NRG1: variants seen among roughly 807,000 people sequenced by gnomAD.
NRG1 encodes the protein pro-neuregulin-1, membrane-bound isoform.
Under a neutral mutation model 63.8 loss-of-function variants are expected in NRG1, and 18 were observed. The ratio of observed to expected loss-of-function variants is 0.28; its 90% confidence interval spans 0.19 to 0.42. The LOEUF is 0.42. Among genes scored for constraint, NRG1 ranks in the 10% least tolerant of loss-of-function variants. The pLI, the probability that NRG1 is intolerant of heterozygous loss-of-function variation, is 1.00. For missense variants in NRG1, 762 were observed against 814.7 expected (o/e 0.94, Z 0.79); for synonymous variants, 302 against 301.3 (o/e 1.00, Z -0.02).
intron 1 of NRG1, among the ~76,000 whole-genome samples, chr8:31,877,465 C>T (rs991859553): frequency 6.6e-6 from 1 of 151,290 alleles, no homozygotes; most frequent in African/African-American, 2.4e-5. Flanking sequence ...GTCTCTGTGT[C>T]TCTCTCTCCA....
At chr8:32,294,001 A>C (rs541914316) in intron 1 of NRG1, among the ~76,000 whole-genome samples, 1 of 152,150 alleles carries the variant, frequency 6.6e-6, no homozygotes, top group South Asian at 2.1e-4. Context: ...TACAGGCATG[A>C]GCTACAGTGC....
intron 5 of NRG1, among the ~76,000 whole-genome samples, chr8:32,690,149 C>A (rs773820459): frequency 2.0e-5 from 3 of 152,164 alleles, no homozygotes; most frequent in Non-Finnish European, 4.4e-5. Context: ...TGATTTAGAT[C>A]TCAATGCTTT....
At chr8:31,688,633 C>CGTG (rs1809158762) in intron 1 of NRG1, among the ~76,000 whole-genome samples, 1 of 152,118 alleles carries the variant, frequency 6.6e-6, no homozygotes, top group African/African-American at 2.4e-5. Flanking sequence ...CATATATACA[C>CGTG]TATGATTATA....
chr8:32,346,303 A>G (rs942999846), intron 1 of NRG1, among the ~76,000 whole-genome samples: 1 of 150,240 alleles, frequency 6.7e-6, no homozygotes, highest in Non-Finnish European at 1.5e-5. Context: ...TTGTAGATAC[A>G]TAAATTATGT....
Position 32,367,629 on chromosome 8 carries a change from G to T in NRG1, c.38-228199G>T, listed in dbSNP as rs191774932. Among the ~76,000 whole-genome samples the T allele has an allele frequency of 8.0e-4, 121 of 152,144 alleles. 1 individual carries two copies. The highest frequency in any genetic ancestry group is 1.4e-3 in the Non-Finnish European group (95 of 67,986). On this transcript the variant is annotated intron_variant, in intron 1 of 10. Transcript: ENST00000519301. The stretch of plus-strand genomic sequence containing the variant: ...AAGATTTTCTCCCATTCCTCAGATT[G>T]TCTCTTCACTATGTTGATTGTTTCC...
chr8:32,473,528 T>G (rs1039242052), intron 1 of NRG1, among the ~76,000 whole-genome samples: 2 of 152,206 alleles, frequency 1.3e-5, no homozygotes, highest in African/African-American at 4.8e-5. Flanking sequence ...GCTCAGTCTT[T>G]TATTCTCTAA....
rs182899305 is a variant in NRG1, at chr8:32,745,136, T to C, written c.691+2403T>C. ...ATTTTTATCTCTGCAAACCCCTACA[T>C]AGAAGTCAGAAAAATAAATTTGTGC... is the stretch of plus-strand genomic sequence containing the variant. On this transcript the variant is annotated intron_variant, in intron 7 of 11. Transcript: ENST00000356819. 8.9e-4 allele frequency among the ~76,000 whole-genome samples: 136 copies of C among 152,230 alleles called. 1 individual carries two copies. The highest frequency in any genetic ancestry group is 3.2e-3 in the African/African-American group (132 of 41,574).
At chr8:32,669,135 T>A (rs1265577947) in intron 5 of NRG1, among the ~76,000 whole-genome samples, 2 of 152,244 alleles carry the variant, frequency 1.3e-5, no homozygotes, top group African/African-American at 4.8e-5. Context: ...TTTTACATTG[T>A]TCTGGATAGA....
In NRG1 at chr8:32,240,770, A is replaced by G. The variant is rs371446687; in HGVS notation, c.38-355058A>G. On this transcript the variant is annotated intron_variant, in intron 1 of 10. Transcript: ENST00000519301. ...TTTTTTTAGAATTTCCTGTCAATCC[A>G]TAATTATTTCAAGATAAAAAAAGTT... Among the ~76,000 whole-genome samples, 618 of 152,250 alleles carry G rather than the reference A, an allele frequency of 4.1e-3. 1 individual carries two copies. Among genetic ancestry groups the G allele is most frequent in the Non-Finnish European group, 6.1e-3 (414 of 68,020 alleles).
In NRG1 at chr8:31,782,040, A is replaced by G. The variant is rs16878276; in HGVS notation, c.37+142609A>G. Among the ~76,000 whole-genome samples, 1,450 of 152,112 alleles carry G rather than the reference A, an allele frequency of 9.5e-3. 22 individuals carry two copies. The highest frequency in any genetic ancestry group is 0.033 in the African/African-American group (1,380 of 41,480). On this transcript the variant is annotated intron_variant, in intron 1 of 10. Transcript: ENST00000519301. ...AATTGAAAGGCTTTTTCACTGCCCT[A>G]GGTCTCTCTCCTAAGGCTTTCACTG... is the stretch of plus-strand genomic sequence containing the variant.
chr8:32,410,327 C>T (rs887793979), intron 1 of NRG1, among the ~76,000 whole-genome samples: 21 of 151,718 alleles, frequency 1.4e-4, no homozygotes, highest in Non-Finnish European at 4.4e-5. Context: ...ACTACAGGTA[C>T]ATGCCACCAT....
chr8:31,787,792 A>G (rs569790164), intron 1 of NRG1, among the ~76,000 whole-genome samples: 66 of 152,286 alleles, frequency 4.3e-4, no homozygotes, highest in African/African-American at 1.4e-3. Context: ...TATCTTTATT[A>G]AAATATGAAT....
intron 1 of NRG1, among the ~76,000 whole-genome samples, chr8:31,859,593 T>C (rs1262458124): frequency 1.3e-5 from 2 of 152,246 alleles, no homozygotes; most frequent in Admixed American, 6.5e-5. Flanking sequence ...AAATAACTTC[T>C]GCATAACTAT....
intron 1 of NRG1, among the ~76,000 whole-genome samples, chr8:31,917,762 T>C (rs1276034308): frequency 6.6e-6 from 1 of 152,212 alleles, no homozygotes; most frequent in African/African-American, 2.4e-5. Context: ...GGTATCTTGA[T>C]GGGGATGGCA....
intron 1 of NRG1, among the ~76,000 whole-genome samples, chr8:31,853,559 AGGGACAATT>A (rs1827492680): frequency 6.6e-6 from 1 of 150,940 alleles, no homozygotes; most frequent in African/African-American, 2.4e-5. Context: ...ATCTGCAAAC[AGGGACAATT>A]TGACTTCCTC....
At chr8:31,768,961 T>C (rs547947388) in intron 1 of NRG1, among the ~76,000 whole-genome samples, 2 of 152,296 alleles carry the variant, frequency 1.3e-5, no homozygotes, top group East Asian at 1.9e-4. Flanking sequence ...GAGTATCTCA[T>C]AGTTGGACTG....
At chr8:32,513,911 G>C (rs972859656) in intron 1 of NRG1, among the ~76,000 whole-genome samples, 4 of 152,118 alleles carry the variant, frequency 2.6e-5, no homozygotes, top group Non-Finnish European at 4.4e-5. Flanking sequence ...AAATGGGAAA[G>C]GGGAGAGCCA....
chr8:32,724,479 A>T (rs1411833073), intron 5 of NRG1, among the ~76,000 whole-genome samples: 1 of 152,152 alleles, frequency 6.6e-6, no homozygotes, highest in Non-Finnish European at 1.5e-5. Context: ...ATCCTGGTTG[A>T]ATTACCAAAT....
intron 7 of NRG1, among the ~76,000 whole-genome samples, chr8:32,746,811 A>G (rs1827517012): frequency 6.6e-6 from 1 of 151,950 alleles, no homozygotes; most frequent in African/African-American, 2.4e-5. Flanking sequence ...TAGATTAAGT[A>G]GAACAGATAG....
Sources: allele counts gnomAD v4.1 joint callset (sites outside exome capture counted in the v4.1 genomes callset), GRCh38; gene constraint gnomAD v4.1.1; transcripts MANE v1.5; gene names NCBI Gene and HGNC (gene_info 2026-07-23, HGNC 2026-07-21).